Variants in CREB5 observed in about 807,000 individuals in gnomAD.
CREB5 encodes the protein cyclic AMP-responsive element-binding protein 5.
In CREB5, 19 loss-of-function variants were observed where a neutral mutation model predicts 57.1. The ratio of observed to expected loss-of-function variants is 0.33; its 90% CI spans 0.23 to 0.49. The LOEUF is 0.49. Among genes scored for constraint, CREB5 ranks in the 20% least tolerant of loss-of-function variants. The pLI is 0.99. For missense variants in CREB5, 579 were observed against 671.6 expected (o/e 0.86, Z 1.52); for synonymous variants, 238 against 238.3 (o/e 1.00, Z 0.01).
At chr7:28,516,128 T>G (rs2128612098) in intron 4 of CREB5, among the ~76,000 whole-genome samples, 1 of 152,188 alleles carries the variant, frequency 6.6e-6, no homozygotes, top group Middle Eastern at 3.4e-3. Context: ...GCAGGAGGGT[T>G]GCTTGAGCCC....
Position 28,581,134 on chromosome 7 carries a change from C to A in CREB5, c.464+10597C>A, listed in dbSNP as rs541350391. ...AAGTGCAGAAGAGTGAGGAAACCCCCAGCCAAAAAGCAGCAAGGCTGTTTA... is the reference window on the plus strand; with the variant it reads ...AAGTGCAGAAGAGTGAGGAAACCCCAAGCCAAAAAGCAGCAAGGCTGTTTA... On this transcript the variant is annotated intron_variant, in intron 5 of 10. Coordinates refer to ENST00000357727, the MANE Select transcript of CREB5 (RefSeq NM_182898.4). Among the ~76,000 whole-genome samples, 19 of 152,312 alleles carry A rather than the reference C, an allele frequency of 1.2e-4. No homozygotes were observed. In the East Asian group the frequency reaches 3.7e-3, roughly 29 times the overall value.
chr7:28,537,206 G>C (rs1793998156), intron 4 of CREB5, among the ~76,000 whole-genome samples: 1 of 152,174 alleles, frequency 6.6e-6, no homozygotes, highest in Non-Finnish European at 1.5e-5. Context: ...TGAGAAATAT[G>C]ACATGATGTT....
chr7:28,409,853 C>A (rs766670429), upstream of CREB5: 1 of 453,356 alleles, frequency 2.2e-6, no homozygotes, highest in South Asian at 1.6e-5. The surrounding 1 kb of genome is among the most constrained non-coding windows in gnomAD (Gnocchi z 4.4). Flanking sequence ...AGTCCCCTGA[C>A]GCGGGGACCA....
chr7:28,446,104 T>C (rs1187649911), intron 1 of CREB5, among the ~76,000 whole-genome samples: 1 of 152,192 alleles, frequency 6.6e-6, no homozygotes, highest in Non-Finnish European at 1.5e-5. Flanking sequence ...TCCAAGGGAA[T>C]CTTCAGGCAG....
chr7:28,685,873 T>A (rs1401979459), intron 5 of CREB5: 6 of 368,580 alleles, frequency 1.6e-5, no homozygotes, highest in African/African-American at 1.3e-4. Flanking sequence ...AGCCTGGGGC[T>A]GTTTTGGTTA....
intron 5 of CREB5, among the ~76,000 whole-genome samples, chr7:28,678,149 A>T (rs1211273619): frequency 6.6e-6 from 1 of 152,206 alleles, no homozygotes; most frequent in Non-Finnish European, 1.5e-5. Flanking sequence ...GAACTTTGGG[A>T]GGCCAAGGCG....
chr7:28,334,246 C>G (rs906165204), intron 1 of CREB5, among the ~76,000 whole-genome samples: 40 of 152,090 alleles, frequency 2.6e-4, no homozygotes, highest in Admixed American at 2.5e-3. Flanking sequence ...ACCTCCACCT[C>G]CCAGGTTCAA....
At chr7:28,345,637 C>T (rs1277520256) in intron 1 of CREB5, among the ~76,000 whole-genome samples, 1 of 152,096 alleles carries the variant, frequency 6.6e-6, no homozygotes, top group Non-Finnish European at 1.5e-5. Flanking sequence ...ACACACTGTT[C>T]AAGGGGGCAG....
At chr7:28,818,854 A>AT in intron 10 of CREB5, 1 of 566,786 alleles carries the variant, frequency 1.8e-6, no homozygotes, top group Non-Finnish European at 3.3e-6. Flanking sequence ...GGAAGTTCAC[A>AT]TATCCATGAC....
chr7:28,524,333 AC>A (rs1793336565), intron 4 of CREB5, among the ~76,000 whole-genome samples: 1 of 140,004 alleles, frequency 7.1e-6, no homozygotes, highest in Non-Finnish European at 1.6e-5. Flanking sequence ...ACACACACAC[AC>A]ACACACACAC....
intron 7 of CREB5, among the ~76,000 whole-genome samples, chr7:28,745,758 G>T (rs1804654890): frequency 6.6e-6 from 1 of 152,186 alleles, no homozygotes; most frequent in Non-Finnish European, 1.5e-5. Context: ...TCTTACCCCT[G>T]GCAGTCCTTG....
intron 4 of CREB5, among the ~76,000 whole-genome samples, chr7:28,547,426 G>A (rs160334): frequency 0.91 from 138,665 of 152,274 alleles, 63,314 homozygotes; most frequent in African/African-American, 0.98. Flanking sequence ...GAGAAAGTCA[G>A]TAGGCTGGAA....
At chr7:28,580,386 G>GA (rs1206815442) in intron 5 of CREB5, among the ~76,000 whole-genome samples, 2 of 149,440 alleles carry the variant, frequency 1.3e-5, no homozygotes, top group African/African-American at 5.0e-5. Context: ...GTGTGGGGGG[G>GA]GCATGTGGTG....
chr7:28,394,481 G>A (rs983476764), intron 1 of CREB5, among the ~76,000 whole-genome samples: 7 of 152,122 alleles, frequency 4.6e-5, no homozygotes, highest in African/African-American at 1.7e-4. Context: ...TAGATTAAAA[G>A]TAAAGGTAGG....
At chr7:28,790,462 T>G (rs6963385) in intron 7 of CREB5, among the ~76,000 whole-genome samples, 6,520 of 32,962 alleles carry the variant, frequency 0.2, 202 homozygotes, top group Middle Eastern at 0.28. Context: ...GAGAGAGAGA[T>G]AGAGAGAGAG....
chr7:28,495,996 G>A lies in CREB5; in HGVS notation c.169+997G>A, dbSNP rs374689651. Among the ~76,000 whole-genome samples, 22 of 151,146 alleles carry A rather than the reference G, an allele frequency of 1.5e-4. No homozygotes were observed. The East Asian group carries it at 2.7e-3, about 19-fold the overall frequency. ...AGAAAAAGTGCAGGGACAGGAGTGA[G>A]GAACCTGAACTCTATCCTGGGCTTT... On this transcript the variant is annotated intron_variant, in intron 3 of 10. Transcript: ENST00000357727.
intron 1 of CREB5, among the ~76,000 whole-genome samples, chr7:28,395,561 G>A (rs531942540): frequency 5.3e-5 from 8 of 152,228 alleles, no homozygotes; most frequent in African/African-American, 1.7e-4. Context: ...TGGCTTCCTT[G>A]GGTAGCAAAT....
chr7:28,307,800 G>A (rs79721588), intron 1 of CREB5, among the ~76,000 whole-genome samples: 3,034 of 152,368 alleles, frequency 0.02, 70 homozygotes, highest in Admixed American at 0.055. Context: ...GTCTTAGGGA[G>A]CTGGGTGAGG....
chr7:28,535,007 T>G lies in CREB5; in HGVS notation c.291+27270T>G, dbSNP rs898783682. ...ATGTACTCATCCTTGGCCATGTGTT[T>G]CTTACCTGAGGGCTTGCGGACTGCA... On this transcript the variant is annotated intron_variant, in intron 4 of 10. Coordinates refer to ENST00000357727, the MANE Select transcript of CREB5 (RefSeq NM_182898.4). Among the ~76,000 whole-genome samples, 4 of 141,786 alleles carry G rather than the reference T, an allele frequency of 2.8e-5. 1 individual carries two copies. Among genetic ancestry groups the G allele is most frequent in the African/African-American group, 1.0e-4 (4 of 38,632 alleles). 93.0% of individuals were successfully genotyped at this position (141,786 alleles called of 152,430 possible).
Sources: allele counts gnomAD v4.1 joint callset (sites outside exome capture counted in the v4.1 genomes callset), GRCh38; gene constraint gnomAD v4.1.1; non-coding constraint Gnocchi (gnomAD v3.1); transcripts MANE v1.5; gene names NCBI Gene and HGNC (gene_info 2026-07-23, HGNC 2026-07-21).